Variants in DYNLT2B observed in about 807,000 individuals in gnomAD.
DYNLT2B encodes the protein dynein light chain Tctex-type 2B.
DYNLT2B carries 14 observed loss-of-function variants against 19.5 expected under a neutral mutation model. The observed-to-expected ratio is 0.72, with a 90% CI of 0.47 to 1.12. The LOEUF is 1.12. DYNLT2B is among the 50% of genes most tolerant of loss of function. DYNLT2B has a pLI of 0.00. For synonymous variants in DYNLT2B, 70 were observed against 59.7 expected (o/e 1.17, Z -0.79); for missense variants, 133 against 174.7 (o/e 0.76, Z 1.35).
chr3:196,306,457 A>AACACATACAT (rs1450865694), intron 3 of DYNLT2B, among the ~76,000 whole-genome samples: 2 of 151,988 alleles, frequency 1.3e-5, no homozygotes, highest in East Asian at 1.9e-4. Context: ...AAAGAAAGAA[A>AACACATACAT]ACACATACAT....
At chr3:196,313,038 A>T (rs1449609129) in intron 2 of DYNLT2B, among the ~76,000 whole-genome samples, 1 of 152,044 alleles carries the variant, frequency 6.6e-6, no homozygotes, top group East Asian at 1.9e-4. Context: ...GGAACTCAAC[A>T]ATGAAAATGA....
In DYNLT2B at chr3:196,311,314, C is replaced by T. The variant is rs201428005; in HGVS notation, c.248-4302G>A. ...CCTGTAGTCCCAGCTACTTGGGAGGCGGAGATGGGAGGATTGCTTGAGGCT... is the reference window on the plus strand; with the variant it reads ...CCTGTAGTCCCAGCTACTTGGGAGGTGGAGATGGGAGGATTGCTTGAGGCT... On this transcript the variant is annotated intron_variant, in intron 2 of 4. Coordinates refer to ENST00000325318, the MANE Select transcript of DYNLT2B (RefSeq NM_152773.5). 1.1e-3 allele frequency among the ~76,000 whole-genome samples: 159 copies of T among 150,938 alleles called. 1 individual carries two copies. The East Asian group carries it at 0.019, about 18-fold the overall frequency.
intron 2 of DYNLT2B, chr3:196,315,428 A>G (rs1184060388): frequency 3.3e-6 from 1 of 302,100 alleles, no homozygotes; most frequent in Non-Finnish European, 6.4e-6. Context: ...ACACCCAGCT[A>G]TTTTTTGTAT....
chr3:196,308,083 A>G (rs1216603620), intron 2 of DYNLT2B, among the ~76,000 whole-genome samples: 4 of 30,514 alleles, frequency 1.3e-4, no homozygotes, highest in Admixed American at 4.2e-4. Context: ...CTCCATCTCG[A>G]AAAAAAAAAA....
intron 3 of DYNLT2B, among the ~76,000 whole-genome samples, chr3:196,304,683 C>A (rs1364203586): frequency 1.0e-4 from 15 of 146,552 alleles, no homozygotes; most frequent in African/African-American, 3.7e-4. Flanking sequence ...AAAAGCGAAA[C>A]TCCATCTCAA....
intron 1 of DYNLT2B, 34 bp downstream of exon 1, chr3:196,318,006 G>A (rs563176118): frequency 1.5e-6 from 2 of 1,363,828 alleles, no homozygotes; most frequent in African/African-American, 1.5e-5. Flanking sequence ...CAGCGCGCTC[G>A]AGGTCGCCCC....
chr3:196,307,449 T>C (rs1185847709), intron 2 of DYNLT2B, among the ~76,000 whole-genome samples: 2 of 152,026 alleles, frequency 1.3e-5, no homozygotes, highest in Non-Finnish European at 2.9e-5. Context: ...ACTACAGGTA[T>C]GCATCACCAC....
In DYNLT2B at chr3:196,307,050, G is replaced by A. The variant is rs1726508712; in HGVS notation, c.248-38C>T. ...AATAAGGTTATTTATAAGCAAATAT[G>A]TAGTAAAATTACTTATTGAAGACAA... is the stretch of plus-strand genomic sequence containing the variant. On this transcript the variant is annotated intron_variant, in intron 2 of 4. Transcript: ENST00000325318. The A allele has an allele frequency of 5.1e-6, 8 of 1,576,006 alleles. No homozygotes were observed. In the Middle Eastern group the frequency reaches 8.5e-4, roughly 168 times the overall value.
At chr3:196,308,710 T>G (rs928340664) in intron 2 of DYNLT2B, among the ~76,000 whole-genome samples, 37 of 152,332 alleles carry the variant, frequency 2.4e-4, no homozygotes, top group African/African-American at 8.9e-4. Flanking sequence ...CAATCTCCCA[T>G]GTGGGGCATG....
At chr3:196,314,553 C>T (rs1289467139) in intron 2 of DYNLT2B, among the ~76,000 whole-genome samples, 2 of 151,982 alleles carry the variant, frequency 1.3e-5, no homozygotes, top group African/African-American at 4.8e-5. Context: ...TGGCTCACAC[C>T]TGCAATCCCA....
intron 2 of DYNLT2B, among the ~76,000 whole-genome samples, chr3:196,308,012 C>A (rs952276002): frequency 7.1e-6 from 1 of 140,442 alleles, no homozygotes; most frequent in African/African-American, 2.7e-5. Flanking sequence ...ACCTGGGAGG[C>A]GGAGGTTGCA....
Position 196,291,233 on chromosome 3 carries a change from T to C in DYNLT2B, c.*94A>G. ...AACACAACAGATTCAGTTGTCAAACTACTAACATCTTTATTTTGTCAAGAT... is the reference window on the plus strand; with the variant it reads ...AACACAACAGATTCAGTTGTCAAACCACTAACATCTTTATTTTGTCAAGAT... On this transcript the variant is annotated 3_prime_UTR_variant, in exon 5 of 5. Transcript: ENST00000325318. The C allele has an allele frequency of 8.5e-7, 1 of 1,177,090 alleles. No individual in the cohort carries two copies. The highest frequency in any genetic ancestry group is 1.2e-6 in the Non-Finnish European group (1 of 831,146). 72.9% of individuals were successfully genotyped at this position (1,177,090 alleles called of 1,614,324 possible). A position where few individuals can be genotyped will look rare whatever the true frequency, so the allele number is the denominator to read the frequency against.
chr3:196,303,077 C>T (rs1022218498), intron 3 of DYNLT2B, among the ~76,000 whole-genome samples: 1 of 152,142 alleles, frequency 6.6e-6, no homozygotes, highest in African/African-American at 2.4e-5. Flanking sequence ...AGACCCTGCA[C>T]TTGATGGATC....
chr3:196,310,926 A>G (rs1442087122), intron 2 of DYNLT2B, among the ~76,000 whole-genome samples: 1 of 148,190 alleles, frequency 6.7e-6, no homozygotes, highest in Non-Finnish European at 1.5e-5. Context: ...AGTAGAGACG[A>G]GGTTTCACCA....
intron 2 of DYNLT2B, among the ~76,000 whole-genome samples, chr3:196,308,641 C>T (rs1447445585): frequency 1.3e-5 from 2 of 152,220 alleles, no homozygotes; most frequent in African/African-American, 4.8e-5. Context: ...CCAGCTCTCT[C>T]TGATGAACGT....
chr3:196,305,583 C>T (rs1466531794), intron 3 of DYNLT2B: 1 of 152,146 alleles, frequency 6.6e-6, no homozygotes, highest in East Asian at 1.9e-4. Flanking sequence ...GGTGGATCAC[C>T]TGAGGTCAGG....
intron 3 of DYNLT2B, among the ~76,000 whole-genome samples, chr3:196,304,258 A>G (rs1437348532): frequency 6.6e-6 from 1 of 151,746 alleles, no homozygotes; most frequent in Non-Finnish European, 1.5e-5. Flanking sequence ...TCAGCCTCCA[A>G]GTGGCTGGGG....
chr3:196,292,769 C>A (rs139065913), intron 4 of DYNLT2B, among the ~76,000 whole-genome samples: 13 of 152,272 alleles, frequency 8.5e-5, no homozygotes, highest in Non-Finnish European at 1.3e-4. Context: ...GCCCTGTCAT[C>A]CAGCAGTTTT....
chr3:196,296,094 T>C, intron 3 of DYNLT2B, 25 bp from the exon 4 acceptor site: 1 of 1,606,264 alleles, frequency 6.2e-7, no homozygotes, highest in East Asian at 2.2e-5. Flanking sequence ...AATGAAGAAT[T>C]ATCAACAATC....
Sources: allele counts gnomAD v4.1 joint callset (sites outside exome capture counted in the v4.1 genomes callset), GRCh38; gene constraint gnomAD v4.1.1; transcripts MANE v1.5; gene names NCBI Gene and HGNC (gene_info 2026-07-23, HGNC 2026-07-21).